Variants in ROBO2 observed in about 807,000 individuals in gnomAD.
The protein encoded by ROBO2 is roundabout homolog 2.
A neutral mutation model predicts 160.8 loss-of-function variants in ROBO2; 53 were observed. That is an observed-to-expected ratio of 0.33 (90% confidence interval 0.26 to 0.41). The LOEUF is 0.41. Among genes scored for constraint, ROBO2 ranks in the 10% least tolerant of loss-of-function variants. The pLI is 1.00. For synonymous variants in ROBO2, 664 were observed against 611.7 expected (o/e 1.09, Z -1.26); for missense variants, 1,577 against 1,722.4 (o/e 0.92, Z 1.49).
chr3:77,569,457 C>CT (rs890821825), intron 13 of ROBO2, among the ~76,000 whole-genome samples: 12 of 150,726 alleles, frequency 8.0e-5, no homozygotes, highest in Non-Finnish European at 1.2e-4. Flanking sequence ...CCTAATTGAA[C>CT]TTTTTTTTTA....
intron 2 of ROBO2, among the ~76,000 whole-genome samples, chr3:76,374,961 G>A (rs1241297245): frequency 6.8e-6 from 1 of 146,020 alleles, no homozygotes; most frequent in Non-Finnish European, 1.5e-5. Context: ...TTTTTCAGAT[G>A]GTCTATAGCA....
chr3:76,216,206 A>T (rs989535288), intron 2 of ROBO2, among the ~76,000 whole-genome samples: 2 of 152,336 alleles, frequency 1.3e-5, no homozygotes, highest in Admixed American at 6.5e-5. Context: ...CTACAAAAAC[A>T]TGCCAAATTG....
chr3:76,482,398 G>T (rs552386300), intron 2 of ROBO2, among the ~76,000 whole-genome samples: 1 of 152,186 alleles, frequency 6.6e-6, no homozygotes, highest in East Asian at 1.9e-4. Flanking sequence ...ATTAATTTAT[G>T]CAAAAACCAT....
At chr3:76,950,066 G>A (rs1374670463) in intron 2 of ROBO2, among the ~76,000 whole-genome samples, 2 of 152,156 alleles carry the variant, frequency 1.3e-5, no homozygotes, top group African/African-American at 4.8e-5. Context: ...CAAAGTCCCT[G>A]AAACTGTTTT....
intron 16 of ROBO2, among the ~76,000 whole-genome samples, chr3:77,581,274 A>G (rs1202287113): frequency 6.6e-6 from 1 of 152,112 alleles, no homozygotes; most frequent in Middle Eastern, 3.2e-3. Flanking sequence ...TGACTTCCCT[A>G]TTCATTTTCT....
At chr3:76,552,478 A>G (rs1006702184) in intron 2 of ROBO2, among the ~76,000 whole-genome samples, 2 of 152,238 alleles carry the variant, frequency 1.3e-5, no homozygotes, top group African/African-American at 4.8e-5. Context: ...TTTTCATATA[A>G]TTAATCCACA....
At chr3:77,451,755 TA>T (rs1295921560) in intron 2 of ROBO2, among the ~76,000 whole-genome samples, 1 of 129,998 alleles carries the variant, frequency 7.7e-6, no homozygotes, top group Non-Finnish European at 1.6e-5. Flanking sequence ...ATTCTGACTC[TA>T]AAAAGCAAAT....
chr3:76,877,097 C>T (rs2072823796), intron 2 of ROBO2, among the ~76,000 whole-genome samples: 1 of 152,130 alleles, frequency 6.6e-6, no homozygotes, highest in East Asian at 1.9e-4. Context: ...ATTAAAATTA[C>T]ACAAATGTTT....
intron 6 of ROBO2, among the ~76,000 whole-genome samples, chr3:77,536,305 C>T (rs535155409): frequency 1.3e-5 from 2 of 152,264 alleles, no homozygotes; most frequent in South Asian, 4.1e-4. Context: ...TTGTTTTCCC[C>T]TCTGGGAGGA....
At chr3:77,425,669 C>CT (rs756195644) in intron 2 of ROBO2, among the ~76,000 whole-genome samples, 19,336 of 140,478 alleles carry the variant, frequency 0.14, 1,596 homozygotes, top group African/African-American at 0.24. Flanking sequence ...CAATATGACT[C>CT]TTTTTTTTTT....
chr3:76,857,211 T>G (rs1419198502), intron 2 of ROBO2, among the ~76,000 whole-genome samples: 3 of 152,162 alleles, frequency 2.0e-5, no homozygotes, highest in Non-Finnish European at 4.4e-5. Context: ...GGTCTCGATC[T>G]CCTGACCTCG....
At chr3:76,045,654 C>T (rs886865001) in intron 2 of ROBO2, among the ~76,000 whole-genome samples, 1 of 152,044 alleles carries the variant, frequency 6.6e-6, no homozygotes, top group African/African-American at 2.4e-5. Flanking sequence ...TCCTTTTGTA[C>T]ATTTTGACTA....
chr3:77,582,938 C>T (rs965865215), intron 16 of ROBO2, among the ~76,000 whole-genome samples: 3 of 151,882 alleles, frequency 2.0e-5, no homozygotes, highest in African/African-American at 7.2e-5. Flanking sequence ...CTCAGGAGTT[C>T]GAGACCAGCT....
At chr3:76,215,231 C>T (rs191286963) in intron 2 of ROBO2, among the ~76,000 whole-genome samples, 9 of 152,142 alleles carry the variant, frequency 5.9e-5, no homozygotes, top group East Asian at 5.8e-4. Flanking sequence ...GCAGAAAAAC[C>T]GGAAACTCTA....
intron 5 of ROBO2, among the ~76,000 whole-genome samples, chr3:77,521,844 G>A (rs928235383): frequency 6.6e-6 from 1 of 151,144 alleles, no homozygotes; most frequent in Non-Finnish European, 1.5e-5. Context: ...GAAAACAATA[G>A]GAAGTCACAG....
In ROBO2 at chr3:76,302,285, C is replaced by T. The variant is rs552122229; in HGVS notation, c.109+364683C>T. ...ACTACTTAAATTTGTTCAAAATTTA[C>T]ACTATTTTCCAGCTTATCAATGATC... On this transcript the variant is annotated intron_variant, in intron 2 of 26. Coordinates refer to the ROBO2 transcript ENST00000487694. Among the ~76,000 whole-genome samples, 40 of 152,120 alleles carry T rather than the reference C, an allele frequency of 2.6e-4. 1 individual carries two copies. Among genetic ancestry groups the T allele is most frequent in the African/African-American group, 9.6e-4 (40 of 41,522 alleles).
At position 77,588,992 on chromosome 3, in the gene ROBO2, T is replaced by C; in HGVS notation, c.2683+59T>C. 20 of 1,583,834 alleles carry C rather than the reference T, an allele frequency of 1.3e-5. No homozygotes were observed. In the South Asian group the frequency reaches 1.9e-4, roughly 15 times the overall value. ...GTCTGTAGGAATGTAATGAAATGAA[T>C]GGAAGGAACAGAAAGGAATAACAAA... On this transcript the variant is annotated intron_variant, in intron 17 of 25. Coordinates refer to ENST00000461745, the Ensembl canonical transcript of ROBO2.
At chr3:76,215,296 A>G (rs1703432144) in intron 2 of ROBO2, among the ~76,000 whole-genome samples, 1 of 152,210 alleles carries the variant, frequency 6.6e-6, no homozygotes, top group Admixed American at 6.5e-5. Flanking sequence ...CAGCAATGGA[A>G]CAAAGCTGGA....
Position 77,084,168 on chromosome 3 carries a change from AG to A in ROBO2, c.62-13845del, listed in dbSNP as rs201777477. Among the ~76,000 whole-genome samples, 1,397 of 152,196 alleles carry A rather than the reference AG, an allele frequency of 9.2e-3. 22 individuals are homozygous for A. The highest frequency in any genetic ancestry group is 0.033 in the African/African-American group (1,360 of 41,536). Reference sequence around the variant, plus strand: ...ATGGAAATTCGTAACAAAAGTAACCAGTAATAATGTTCTTTTAAAAAAAATT... The same window carrying A: ...ATGGAAATTCGTAACAAAAGTAACCATAATAATGTTCTTTTAAAAAAAATT... On this transcript the variant is annotated intron_variant, in intron 1 of 25. Coordinates refer to ENST00000461745, the Ensembl canonical transcript of ROBO2.
Sources: gnomAD v4.1 joint callset for allele counts (sites outside exome capture counted in the v4.1 genomes callset) on GRCh38, gnomAD v4.1.1 for gene constraint, MANE v1.5 for transcripts, NCBI Gene and HGNC (gene_info 2026-07-23, HGNC 2026-07-21) for gene names.